The following SGPP2 variants were observed in gnomAD, a reference collection of about 807,000 sequenced individuals.
SGPP2 encodes the protein sphingosine 1-phosphate phosphohydrolase 2.
In SGPP2, 30 loss-of-function variants were observed where a neutral mutation model predicts 33.9. That is an observed-to-expected ratio of 0.89 (90% CI 0.66 to 1.20). The LOEUF (loss-of-function observed/expected upper bound fraction) is 1.20, where lower values mean the gene tolerates loss of function less well. SGPP2 is among the 50% of genes most tolerant of loss of function. The probability of loss-of-function intolerance (pLI) is 0.00; values close to 1 mark genes in which losing one functional copy is unlikely to be tolerated. For missense variants in SGPP2, 458 were observed against 532.1 expected (o/e 0.86, Z 1.37); for synonymous variants, 233 against 225.0 (o/e 1.04, Z -0.32).
intron 2 of SGPP2, among the ~76,000 whole-genome samples, chr2:222,500,911 G>A (rs79889810): frequency 5.3e-5 from 8 of 152,176 alleles, no homozygotes; most frequent in Admixed American, 2.0e-4. Context: ...TTGTTCTAGC[G>A]TGAGGAAATA....
At chr2:222,470,869 T>C (rs1697827776) in intron 1 of SGPP2, among the ~76,000 whole-genome samples, 1 of 152,196 alleles carries the variant, frequency 6.6e-6, no homozygotes. Flanking sequence ...TATTGGATTG[T>C]ATATTTGTAA....
intron 4 of SGPP2, among the ~76,000 whole-genome samples, chr2:222,554,032 G>T (rs924113794): frequency 6.6e-6 from 1 of 152,150 alleles, no homozygotes; most frequent in African/African-American, 2.4e-5. Flanking sequence ...GATCCCACTC[G>T]TGTGGAAGTT....
At chr2:222,530,853 A>G (rs139863425) in intron 4 of SGPP2, among the ~76,000 whole-genome samples, 1 of 152,142 alleles carries the variant, frequency 6.6e-6, no homozygotes, top group Non-Finnish European at 1.5e-5. Flanking sequence ...ACTAAGGTTA[A>G]TCATTTCTAG....
chr2:222,519,876 T>C (rs533801096), intron 2 of SGPP2, among the ~76,000 whole-genome samples: 3 of 152,258 alleles, frequency 2.0e-5, no homozygotes, highest in Non-Finnish European at 4.4e-5. Flanking sequence ...TAGTATTCCA[T>C]AGTGTACCTG....
At chr2:222,464,812 C>T (rs1302371697) in intron 1 of SGPP2, among the ~76,000 whole-genome samples, 1 of 152,142 alleles carries the variant, frequency 6.6e-6, no homozygotes, top group Non-Finnish European at 1.5e-5. Context: ...GATGATGAGA[C>T]AGTGTTTTTT....
chr2:222,551,337 A>G (rs1462634215), intron 4 of SGPP2, among the ~76,000 whole-genome samples: 3 of 152,202 alleles, frequency 2.0e-5, no homozygotes, highest in Non-Finnish European at 4.4e-5. Context: ...GCAGCTCCAA[A>G]GAAGTAACCT....
At chr2:222,525,191 A>T (rs879407786) in intron 4 of SGPP2, among the ~76,000 whole-genome samples, 158 bp downstream of exon 4, 1 of 152,222 alleles carries the variant, frequency 6.6e-6, no homozygotes, top group Admixed American at 6.5e-5. Flanking sequence ...GTTCGGGTGC[A>T]TGTATGATAA....
At chr2:222,524,604 A>G (rs566471130) in intron 3 of SGPP2, among the ~76,000 whole-genome samples, 5 of 152,310 alleles carry the variant, frequency 3.3e-5, no homozygotes, top group African/African-American at 4.8e-5. Context: ...TATCGTTCTA[A>G]TTTAAGAATA....
chr2:222,481,206 C>A (rs1437296400), intron 2 of SGPP2, among the ~76,000 whole-genome samples: 1 of 152,108 alleles, frequency 6.6e-6, no homozygotes, highest in Non-Finnish European at 1.5e-5. Context: ...ACCTATGCAA[C>A]AAACCTGCAT....
chr2:222,474,807 G>A, intron 2 of SGPP2, 81 bp downstream of exon 2: 1 of 1,010,432 alleles, frequency 9.9e-7, no homozygotes, highest in South Asian at 2.3e-5. Context: ...TTGCAAATAT[G>A]TTCTTTCTTT....
chr2:222,556,600 TC>T (rs200997077), intron 4 of SGPP2, among the ~76,000 whole-genome samples: 2,587 of 41,288 alleles, frequency 0.063, 313 homozygotes, highest in East Asian at 0.48. Context: ...CTCTCACTCC[TC>T]CCCCATCCCC....
At chr2:222,427,765 A>C (rs561280695) in intron 1 of SGPP2, among the ~76,000 whole-genome samples, 1 of 152,106 alleles carries the variant, frequency 6.6e-6, no homozygotes, top group Non-Finnish European at 1.5e-5. Flanking sequence ...CACATTGTCT[A>C]TATTTGTTTT....
At chr2:222,512,718 G>A (rs1698547770) in intron 2 of SGPP2, among the ~76,000 whole-genome samples, 1 of 152,008 alleles carries the variant, frequency 6.6e-6, no homozygotes, top group Admixed American at 6.5e-5. Context: ...TCATATAGTT[G>A]GAATCATACA....
At chr2:222,469,427 C>T (rs113974523) in intron 1 of SGPP2, among the ~76,000 whole-genome samples, 9 of 152,346 alleles carry the variant, frequency 5.9e-5, no homozygotes, top group African/African-American at 1.7e-4. Flanking sequence ...TCGTGATCTA[C>T]CTGCCTCGGA....
At position 222,562,226 on chromosome 2, in the gene SGPP2, C is replaced by A. The variant is rs947817695; in HGVS notation, c.*3328C>A. On this transcript the variant is annotated 3_prime_UTR_variant, in exon 5 of 5. Transcript: ENST00000321276. ...TTTCCTAATTGTCCACATTCCACCC[C>A]CAACCCACTGCCACTGTGGGCCAAG... Among the ~76,000 whole-genome samples the A allele has an allele frequency of 2.6e-5, 4 of 152,196 alleles. No homozygotes were observed. The highest frequency in any genetic ancestry group is 9.6e-5 in the African/African-American group (4 of 41,456).
chr2:222,508,386 C>T (rs1195431363), intron 2 of SGPP2, among the ~76,000 whole-genome samples: 1 of 152,232 alleles, frequency 6.6e-6, no homozygotes, highest in Non-Finnish European at 1.5e-5. Context: ...AGCTTCTCTA[C>T]ACTGGCATCA....
At chr2:222,457,817 C>G (rs1697595010) in intron 1 of SGPP2, among the ~76,000 whole-genome samples, 1 of 152,138 alleles carries the variant, frequency 6.6e-6, no homozygotes, top group African/African-American at 2.4e-5. Context: ...GAGGGTAGAC[C>G]TGGGGCAGAG....
rs139994941 is a variant in SGPP2 at position 222,455,706 on chromosome 2, A to G, written c.220-18862A>G. Among the ~76,000 whole-genome samples, 1,136 of 152,310 alleles carry G rather than the reference A, an allele frequency of 7.5e-3. 11 individuals carry two copies. Among genetic ancestry groups the G allele is most frequent in the African/African-American group, 0.026 (1,084 of 41,554 alleles). On this transcript the variant is annotated intron_variant, in intron 1 of 4. Transcript: ENST00000321276. ...AAAATTATTACTTGATATTTGACTA[A>G]TTAGGCTTTATTTTCTTAACTTGGG...
chr2:222,435,227 C>T (rs1246779833), intron 1 of SGPP2, among the ~76,000 whole-genome samples: 1 of 152,080 alleles, frequency 6.6e-6, no homozygotes, highest in Non-Finnish European at 1.5e-5. Flanking sequence ...GAGCAAGAAG[C>T]ATCTGGCATG....
Sources: gnomAD v4.1 joint callset for allele counts (sites outside exome capture counted in the v4.1 genomes callset) on GRCh38, gnomAD v4.1.1 for gene constraint, MANE v1.5 for transcripts, NCBI Gene and HGNC (gene_info 2026-07-23, HGNC 2026-07-21) for gene names.